Variants in CCSER1 observed in about 807,000 individuals in gnomAD.
CCSER1 encodes the protein coiled-coil serine rich protein 1, also known as serine-rich coiled-coil domain-containing protein 1.
CCSER1 carries 41 observed loss-of-function variants against 82.0 expected under a neutral mutation model. That is an observed-to-expected ratio of 0.50 (90% CI 0.39 to 0.65). The LOEUF (loss-of-function observed/expected upper bound fraction) is 0.65. CCSER1 is among the 30% of genes least tolerant of loss of function. The probability of loss-of-function intolerance (pLI) is 0.00; values close to 1 mark genes in which losing one functional copy is unlikely to be tolerated. For missense variants in CCSER1, 1,119 were observed against 1,064.2 expected (o/e 1.05, Z -0.72); for synonymous variants, 414 against 383.9 (o/e 1.08, Z -0.92).
At chr4:90,389,090 C>T (rs1338521184) in intron 3 of CCSER1, among the ~76,000 whole-genome samples, 1 of 152,148 alleles carries the variant, frequency 6.6e-6, no homozygotes, top group African/African-American at 2.4e-5. Flanking sequence ...CGATTTTTAA[C>T]AAGAAGGTCT....
chr4:90,723,453 A>G (rs994696646), intron 6 of CCSER1, among the ~76,000 whole-genome samples: 1 of 152,054 alleles, frequency 6.6e-6, no homozygotes, highest in Admixed American at 6.6e-5. Context: ...ATTGTATATT[A>G]TGGCAGATTG....
chr4:90,942,843 C>T (rs966594869), intron 9 of CCSER1, among the ~76,000 whole-genome samples: 12 of 148,166 alleles, frequency 8.1e-5, no homozygotes, highest in African/African-American at 3.0e-4. Context: ...GATTTTTTAA[C>T]TTACCTAAAA....
In CCSER1 at chr4:91,148,895, T is replaced by A. The variant is rs181175359; in HGVS notation, c.2217+62901T>A. On this transcript the variant is annotated intron_variant, in intron 10 of 10. Coordinates refer to ENST00000509176, the MANE Select transcript of CCSER1 (RefSeq NM_001145065.2). ...AATCCAGTCTATCATTGATGGACAT[T>A]TGGGTTGGTTCCAAATCTTTGCTAT... is the stretch of plus-strand genomic sequence containing the variant. Among the ~76,000 whole-genome samples the A allele has an allele frequency of 1.7e-4, 26 of 152,324 alleles. No individual in the cohort carries two copies. In the East Asian group the frequency reaches 5.0e-3, roughly 29 times the overall value.
chr4:91,059,147 A>C (rs1402961926), intron 9 of CCSER1, among the ~76,000 whole-genome samples: 1 of 151,938 alleles, frequency 6.6e-6, no homozygotes, highest in Non-Finnish European at 1.5e-5. Context: ...CACCCTTGAT[A>C]ACATACTTTT....
At chr4:90,944,313 A>C (rs1477739516) in intron 9 of CCSER1, among the ~76,000 whole-genome samples, 1 of 152,160 alleles carries the variant, frequency 6.6e-6, no homozygotes, top group Non-Finnish European at 1.5e-5. Context: ...TTAATGAAAA[A>C]AATCAATGGT....
At chr4:90,645,961 G>A (rs950127) in intron 6 of CCSER1, among the ~76,000 whole-genome samples, 21,429 of 151,996 alleles carry the variant, frequency 0.14, 1,822 homozygotes, top group East Asian at 0.31. Context: ...CTCTTTACTT[G>A]GTTAACATCC....
At position 90,516,430 on chromosome 4, in the gene CCSER1, C is replaced by T. The variant is rs961032674; in HGVS notation, c.1724+48076C>T. ...GTTAGAAGAGCTAGTATGTACTACC[C>T]CAGGGCCTGAAGGAGAAGCAAGTTG... is the stretch of plus-strand genomic sequence containing the variant. On this transcript the variant is annotated intron_variant, in intron 5 of 10. Coordinates refer to ENST00000509176, the MANE Select transcript of CCSER1 (RefSeq NM_001145065.2). Among the ~76,000 whole-genome samples, 5 of 152,172 alleles carry T rather than the reference C, an allele frequency of 3.3e-5. No homozygotes were observed. In the East Asian group the frequency reaches 9.7e-4, roughly 29 times the overall value.
At chr4:91,271,964 A>C (rs1381181215) in intron 10 of CCSER1, among the ~76,000 whole-genome samples, 1 of 152,098 alleles carries the variant, frequency 6.6e-6, no homozygotes, top group Non-Finnish European at 1.5e-5. Flanking sequence ...ATGTTGGCCA[A>C]GCTGGTCTCA....
chr4:91,537,105 T>C (rs1321906235), intron 10 of CCSER1, among the ~76,000 whole-genome samples: 2 of 152,148 alleles, frequency 1.3e-5, no homozygotes, highest in Admixed American at 1.3e-4. Flanking sequence ...ATTATGTGTT[T>C]ATTAGCGGTC....
chr4:91,005,928 A>G (rs1311981313), intron 9 of CCSER1, among the ~76,000 whole-genome samples: 1 of 152,148 alleles, frequency 6.6e-6, no homozygotes, highest in Non-Finnish European at 1.5e-5. Context: ...CCACTGGTCT[A>G]TATGTCTGTT....
intron 3 of CCSER1, among the ~76,000 whole-genome samples, chr4:90,397,162 G>GCCT (rs1426981341): frequency 2.6e-5 from 4 of 152,152 alleles, no homozygotes; most frequent in Admixed American, 6.5e-5. Context: ...ATCAAAGGAA[G>GCCT]GCAATTTAGA....
chr4:90,434,931 T>G (rs1274562282), intron 4 of CCSER1, among the ~76,000 whole-genome samples: 1 of 152,170 alleles, frequency 6.6e-6, no homozygotes, highest in Non-Finnish European at 1.5e-5. Flanking sequence ...CGGACAACAA[T>G]GTGGTTGGTA....
intron 7 of CCSER1, among the ~76,000 whole-genome samples, chr4:90,751,555 A>C (rs1001025257): frequency 9.9e-5 from 15 of 152,138 alleles, no homozygotes; most frequent in Admixed American, 2.0e-4. Flanking sequence ...CCAATGAAAA[A>C]TATTTACAAA....
At chr4:91,017,080 A>T (rs1246249791) in intron 9 of CCSER1, 2 of 152,208 alleles carry the variant, frequency 1.3e-5, no homozygotes, top group African/African-American at 4.8e-5. Context: ...AACTGATAAG[A>T]TAATTGAGGG....
rs1290962162 is a variant in CCSER1, at chr4:90,666,889, C to A, written c.1932+38657C>A. 2.0e-5 allele frequency among the ~76,000 whole-genome samples: 3 copies of A among 152,200 alleles called. No homozygotes were observed. The South Asian group carries it at 6.2e-4, about 32-fold the overall frequency. ...ACATTATGGGCATGGGAGCGTCAGA[C>A]AGAGATGGCAGAGAGTGGTGAAAGG... On this transcript the variant is annotated intron_variant, in intron 6 of 10. Coordinates refer to ENST00000509176, the MANE Select transcript of CCSER1 (RefSeq NM_001145065.2).
intron 10 of CCSER1, among the ~76,000 whole-genome samples, chr4:91,496,721 A>ATTT (rs199746160): frequency 5.4e-5 from 1 of 18,612 alleles, no homozygotes; most frequent in African/African-American, 1.4e-4. Flanking sequence ...TTCAATATAT[A>ATTT]GAATATATAT....
intron 8 of CCSER1, among the ~76,000 whole-genome samples, chr4:90,873,818 T>C (rs375142576): frequency 1.1e-4 from 17 of 152,268 alleles, no homozygotes; most frequent in South Asian, 2.1e-4. Context: ...TTGACCTTCT[T>C]ATACTGGTTC....
intron 1 of CCSER1, among the ~76,000 whole-genome samples, chr4:90,217,568 A>G (rs770702196): frequency 7.2e-5 from 11 of 152,110 alleles, no homozygotes; most frequent in Non-Finnish European, 1.0e-4. Context: ...TTCTTCTCCT[A>G]TTTGGATGCC....
At chr4:90,958,560 A>G (rs899056619) in intron 9 of CCSER1, among the ~76,000 whole-genome samples, 20 of 151,994 alleles carry the variant, frequency 1.3e-4, no homozygotes, top group African/African-American at 4.3e-4. Flanking sequence ...GGCTGCATGC[A>G]GTCCAGTGTG....
Sources: allele counts gnomAD v4.1 joint callset (sites outside exome capture counted in the v4.1 genomes callset), GRCh38; gene constraint gnomAD v4.1.1; transcripts MANE v1.5; gene names NCBI Gene and HGNC (gene_info 2026-07-23, HGNC 2026-07-21).